UGGT1: variants seen among roughly 807,000 people sequenced by gnomAD.
UGGT1 encodes UDP-glucose glycoprotein glucosyltransferase 1, also known as UDP-glucose:glycoprotein glucosyltransferase 1.
In UGGT1, 107 loss-of-function variants were observed where a neutral mutation model predicts 203.9. That is an observed-to-expected ratio of 0.52 (90% CI 0.45 to 0.62). The LOEUF is 0.62. Among genes scored for constraint, UGGT1 ranks in the 20% least tolerant of loss-of-function variants. The pLI is 0.00. For missense variants in UGGT1, 1,673 were observed against 1,867.2 expected (o/e 0.90, Z 1.92); for synonymous variants, 628 against 653.5 (o/e 0.96, Z 0.59).
intron 11 of UGGT1, among the ~76,000 whole-genome samples, chr2:128,123,476 A>G (rs1220299655): frequency 6.6e-6 from 1 of 152,164 alleles, no homozygotes; most frequent in African/African-American, 2.4e-5. Context: ...CACCCCTAAC[A>G]TGTCTCACCC....
Position 128,178,480 on chromosome 2 carries a change from A to G in UGGT1, c.3726A>G (p.Gly1242=). 6.2e-7 allele frequency: 1 copy of G among 1,613,746 alleles called. No homozygotes were observed. The highest frequency in any genetic ancestry group is 1.1e-5 in the South Asian group (1 of 91,062). The change falls in exon 34 of 41, where the codon GGA becomes GGG. Residue 1242 remains glycine (G), a synonymous_variant. Coordinates refer to ENST00000259253, the MANE Select transcript of UGGT1 (RefSeq NM_020120.4). ...CTTATTGTTATAGGGGCTTTACAGG[A>G]CAGAAGACTGAGGAAGTGAAGCAAG... is the stretch of plus-strand genomic sequence containing the variant. ...FWDSFKWGFT[G]QKTEEVKQDK... is the part of the protein sequence containing the mutation.
intron 12 of UGGT1, 51 bp downstream of exon 12, chr2:128,127,503 C>CTT (rs1477440373): frequency 7.6e-7 from 1 of 1,310,800 alleles, no homozygotes; most frequent in Non-Finnish European, 1.1e-6. Context: ...TGCGTAGCAC[C>CTT]TTGTAACATG....
At chr2:128,165,011 C>A (rs1206041087) in intron 26 of UGGT1, among the ~76,000 whole-genome samples, 186 bp downstream of exon 26, 4 of 152,180 alleles carry the variant, frequency 2.6e-5, no homozygotes, top group Non-Finnish European at 5.9e-5. Context: ...ATATGCAAAT[C>A]TCAGTTGTAT....
chr2:128,125,842 C>A (rs556007245), intron 11 of UGGT1, among the ~76,000 whole-genome samples: 76 of 151,936 alleles, frequency 5.0e-4, no homozygotes, highest in Admixed American at 1.5e-3. Context: ...AAATTTAGGG[C>A]CTTTTTCCCC....
chr2:128,163,671 G>A (rs1690642231), intron 25 of UGGT1, among the ~76,000 whole-genome samples: 1 of 150,960 alleles, frequency 6.6e-6, no homozygotes, highest in Admixed American at 6.6e-5. Context: ...GCGAGATCGC[G>A]CCACTGCACT....
chr2:128,156,142 C>T (rs577238651), intron 20 of UGGT1, among the ~76,000 whole-genome samples: 23 of 152,244 alleles, frequency 1.5e-4, no homozygotes, highest in African/African-American at 2.4e-4. Context: ...TTTAAATCCC[C>T]GCTGTGGTCT....
chr2:128,176,309 G>A (rs1369336679), intron 31 of UGGT1, among the ~76,000 whole-genome samples: 1 of 151,672 alleles, frequency 6.6e-6, no homozygotes, highest in Non-Finnish European at 1.5e-5. Flanking sequence ...GCTACCTGAA[G>A]GCTGAAGCAG....
In UGGT1 at chr2:128,151,329, C is replaced by T. The variant is rs181995306; in HGVS notation, c.2017-1455C>T. 14 of 541,968 alleles carry T rather than the reference C, an allele frequency of 2.6e-5. No individual in the cohort carries two copies. In the East Asian group the frequency reaches 2.7e-4, roughly 11 times the overall value. The allele number at this position is 541,968 out of a possible 1,614,324, so 33.6% of individuals were successfully genotyped here. Reference sequence around the variant, plus strand: ...GCAGCACCTTCACAGGCAGACATGGCGCCTGCCACGCCTTCCCCAGGCCCT... The same window carrying T: ...GCAGCACCTTCACAGGCAGACATGGTGCCTGCCACGCCTTCCCCAGGCCCT... On this transcript the variant is annotated intron_variant, in intron 18 of 40. Transcript: ENST00000259253.
chr2:128,098,680 C>T (rs1279857558), intron 2 of UGGT1, among the ~76,000 whole-genome samples: 2 of 148,304 alleles, frequency 1.3e-5, no homozygotes, highest in Non-Finnish European at 1.5e-5. Flanking sequence ...GCCCAGGAGG[C>T]GGAGGTTGCA....
chr2:128,120,320 A>G (rs1341605701), intron 8 of UGGT1, 36 bp from the exon 9 acceptor site: 1 of 1,586,772 alleles, frequency 6.3e-7, no homozygotes. Context: ...GGAAAGAAAA[A>G]ATAATGAAAA....
chr2:128,162,595 A>G (rs1312126400), intron 25 of UGGT1, among the ~76,000 whole-genome samples: 9 of 152,106 alleles, frequency 5.9e-5, no homozygotes, highest in East Asian at 3.9e-4. Flanking sequence ...ATTTTGGCCA[A>G]TACTGGGGCT....
intron 1 of UGGT1, among the ~76,000 whole-genome samples, chr2:128,095,378 C>G (rs1196731173): frequency 6.8e-6 from 1 of 146,466 alleles, no homozygotes; most frequent in Non-Finnish European, 1.5e-5. Context: ...TTCCTCTTCC[C>G]CTTCCCCTTC....
intron 36 of UGGT1, among the ~76,000 whole-genome samples, chr2:128,181,429 G>A (rs1691683285): frequency 1.3e-5 from 2 of 152,198 alleles, no homozygotes; most frequent in South Asian, 2.1e-4. Context: ...GGTAATAGAC[G>A]AAGCTTAAGT....
intron 36 of UGGT1, among the ~76,000 whole-genome samples, chr2:128,181,849 A>G (rs910354445): frequency 2.0e-5 from 3 of 152,230 alleles, no homozygotes; most frequent in Non-Finnish European, 4.4e-5. Flanking sequence ...CATTATCATT[A>G]TCTCCATTTT....
chr2:128,149,950 G>A (rs1342400874), intron 18 of UGGT1, among the ~76,000 whole-genome samples: 1 of 152,158 alleles, frequency 6.6e-6, no homozygotes, highest in Non-Finnish European at 1.5e-5. Context: ...CGACAAGAGT[G>A]AAACTCTGTC....
At position 128,176,833 on chromosome 2, in the gene UGGT1, C is replaced by T; in HGVS notation, c.3559C>T (p.Pro1187Ser). Residue 1187 changes from proline to serine, a missense_variant, in exon 32 of 41, where the codon CCC (proline) becomes TCC (serine). Transcript: ENST00000259253. ...RIYSHDGTDS[P>S]PDADEVVIVL... ...GCAAAGCCACGATGGCACTGATTCT[C>T]CCCCTGATGCTGATGAGGTGGTTAT... is the stretch of plus-strand genomic sequence containing the variant. The T allele has an allele frequency of 1.2e-6, 2 of 1,613,914 alleles. No individual in the cohort carries two copies. The highest frequency in any genetic ancestry group is 2.2e-5 in the South Asian group (2 of 91,058).
chr2:128,143,135 A>AC lies in UGGT1; in HGVS notation c.1762dup (p.His588ProfsTer17). On this transcript the variant is annotated frameshift_variant, in exon 17 of 41. Transcript: ENST00000259253. LOFTEE classifies it high-confidence loss of function. ...GGACTGGAGAAAAAGTGAAAGTTGA[A>AC]CATGTGGTCAGTGTCCTGGAGAAGA... 6.2e-7 allele frequency: 1 copy of AC among 1,613,930 alleles called. No individual in the cohort carries two copies. Among genetic ancestry groups the AC allele is most frequent in the Non-Finnish European group, 8.5e-7 (1 of 1,179,934 alleles).
intron 22 of UGGT1, among the ~76,000 whole-genome samples, 172 bp downstream of exon 22, chr2:128,157,518 C>G (rs1328393843): frequency 6.6e-6 from 1 of 152,112 alleles, no homozygotes; most frequent in Admixed American, 6.5e-5. Context: ...GAAAAGAGAT[C>G]TAAGACTACA....
rs1439282640 is a variant in UGGT1, at chr2:128,182,273, G to A, written c.4227G>A (p.Gly1409=). The change falls in exon 37 of 41, where the codon GGG becomes GGA. Residue 1409 remains glycine, a synonymous_variant. Coordinates refer to ENST00000259253, the MANE Select transcript of UGGT1 (RefSeq NM_020120.4). Reference sequence around the variant, plus strand: ...GGTACTGGGCCAGTCATTTAGCCGGGCGAAAGTATCATATCAGGTACTGAA... The same window carrying A: ...GGTACTGGGCCAGTCATTTAGCCGGACGAAAGTATCATATCAGGTACTGAA... The part of the protein sequence containing the change: ...KSGYWASHLA[G]RKYHISALYV... The A allele has an allele frequency of 6.2e-7, 1 of 1,613,208 alleles. No homozygotes were observed. The highest frequency in any genetic ancestry group is 1.3e-5 in the African/African-American group (1 of 74,882).
Sources: allele counts gnomAD v4.1 joint callset (sites outside exome capture counted in the v4.1 genomes callset), GRCh38; gene constraint gnomAD v4.1.1; transcripts MANE v1.5; gene names NCBI Gene and HGNC (gene_info 2026-07-23, HGNC 2026-07-21).